The following KRT73 variants were observed in gnomAD, a reference collection of about 807,000 sequenced individuals.
KRT73 encodes the protein keratin 73, also known as keratin, type II cytoskeletal 73.
In KRT73, 44 loss-of-function variants were observed where a neutral mutation model predicts 47.2. That is an observed-to-expected ratio of 0.93 (90% CI 0.73 to 1.20). KRT73 has a LOEUF of 1.20. KRT73 is among the 50% of genes most tolerant of loss of function. The pLI is 0.00. For synonymous variants in KRT73, 285 were observed against 291.3 expected, an observed-to-expected ratio of 0.98 and a Z score of 0.22; for missense variants, 713 against 704.5, an observed-to-expected ratio of 1.01 and a Z score of -0.14.
Position 52,608,065 on chromosome 12 carries a change from GGAGGAGAGGTCCACA to G in KRT73, c.*116_*130del, listed in dbSNP as rs1940619090. The stretch of plus-strand genomic sequence containing the variant: ...ACTGAGGCAGAGAGGTCAAGGAGAA[GGAGGAGAGGTCCACA>G]GCAAAGCAAAGCAAGAAGGAGATGA... On this transcript the variant is annotated 3_prime_UTR_variant, in exon 9 of 9. Transcript: ENST00000305748. 1.1e-6 allele frequency: 1 copy of G among 930,550 alleles called. No individual in the cohort carries two copies. Among genetic ancestry groups the G allele is most frequent in the Non-Finnish European group, 1.6e-6 (1 of 619,022 alleles). The allele number at this position is 930,550 out of a possible 1,614,324, so 57.6% of individuals were successfully genotyped here.
intron 5 of KRT73, chr12:52,612,860 T>G (rs186162209): frequency 6.6e-6 from 1 of 152,208 alleles, no homozygotes; most frequent in African/African-American, 2.4e-5. Flanking sequence ...GGGCCCTACG[T>G]TCTTTATCTT....
intron 2 of KRT73, 94 bp from the exon 3 acceptor site, chr12:52,615,433 A>T: frequency 1.0e-6 from 1 of 977,464 alleles, no homozygotes. Flanking sequence ...CCCATATTAT[A>T]TGCCTTTTAA....
chr12:52,629,522 A>G, the KRT73 span, among the ~76,000 whole-genome samples: 1 of 152,218 alleles, frequency 6.6e-6, no homozygotes, highest in Non-Finnish European at 1.5e-5. Flanking sequence ...AAGGCCACAC[A>G]GCCAATGCCT....
At position 52,616,181 on chromosome 12, in the gene KRT73, T is replaced by C. The variant is rs376869497; in HGVS notation, c.647A>G (p.Glu216Gly). The change falls in exon 2 of 9, where the codon GAG (glutamate) becomes GGG (glycine). Residue 216 changes from glutamate (E) to glycine (G), a missense_variant. By Grantham distance (98) the Glu-to-Gly change is moderately conservative. Coordinates refer to ENST00000305748, the MANE Select transcript of KRT73 (RefSeq NM_175068.3). ...TCCTGCTCACCTCTTCTTGTAGTCC[T>C]CCACCACTTCGCGCACGCTCCTCAG... ...SELRSVREVV[E>G]DYKKRYEEEI... The C allele has an allele frequency of 6.5e-5, 105 of 1,614,040 alleles. 1 individual carries two copies. The highest frequency in any genetic ancestry group is 3.3e-4 in the Middle Eastern group (2 of 6,058).
chr12:52,627,480 C>A, the KRT73 span, among the ~76,000 whole-genome samples: 1 of 152,162 alleles, frequency 6.6e-6, no homozygotes. Context: ...CAGCAGGGAA[C>A]TTTTGACAAG....
chr12:52,619,652 C>T (rs570426945), upstream of KRT73, among the ~76,000 whole-genome samples: 6 of 152,344 alleles, frequency 3.9e-5, no homozygotes, highest in South Asian at 1.2e-3. Context: ...GGCTGACTCT[C>T]TCCCAGGTAC....
chr12:52,625,974 G>A, the KRT73 span, among the ~76,000 whole-genome samples: 1 of 140,226 alleles, frequency 7.1e-6, no homozygotes, highest in African/African-American at 2.7e-5. Flanking sequence ...ATGGGGAACA[G>A]ATTAGTAATT....
In KRT73 at chr12:52,616,398, CATACTT is replaced by C. The variant is rs770974598; in HGVS notation, c.448-24_448-19del. ...AACCGCACCTGGAACCCATGCCACA[CATACTT>C]AAGCAATGTGGAGAGGGGATGTGAG... On this transcript the variant is annotated intron_variant, in intron 1 of 8. Coordinates refer to ENST00000305748, the MANE Select transcript of KRT73 (RefSeq NM_175068.3). 5.0e-6 allele frequency: 8 copies of C among 1,613,712 alleles called. No homozygotes were observed. In the East Asian group the frequency reaches 1.8e-4, roughly 36 times the overall value.
intron 2 of KRT73, among the ~76,000 whole-genome samples, chr12:52,615,557 G>A (rs1940798314): frequency 6.6e-6 from 1 of 152,152 alleles, no homozygotes; most frequent in South Asian, 2.1e-4. Context: ...TTTGAGGTCT[G>A]ATTTCCTCTG....
Position 52,610,764 on chromosome 12 carries a change from G to A in KRT73, c.1182C>T (p.Ala394=). The A allele has an allele frequency of 6.2e-7, 1 of 1,613,900 alleles. No individual in the cohort carries two copies. Among genetic ancestry groups the A allele is most frequent in the African/African-American group, 1.3e-5 (1 of 75,002 alleles). ...RGDCALKDAR[A]KLDELEGALQ... ...GGGCGCCCTCCAGCTCATCCAGCTT[G>A]GCCCTGGCATCCTTGAGGGCACAGT... Residue 394 remains alanine, a synonymous_variant, in exon 7 of 9, where the codon GCC becomes GCT. Coordinates refer to ENST00000305748, the MANE Select transcript of KRT73 (RefSeq NM_175068.3).
At position 52,618,420 on chromosome 12, in the gene KRT73, C is replaced by T. The variant is rs764024779; in HGVS notation, c.105G>A (p.Gly35=). The T allele has an allele frequency of 3.1e-6, 5 of 1,614,124 alleles. No individual in the cohort carries two copies. The highest frequency in any genetic ancestry group is 2.2e-5 in the East Asian group (1 of 44,868). The change falls in exon 1 of 9, where the codon GGG becomes GGA. Residue 35 remains glycine, a synonymous_variant. Transcript: ENST00000305748. ...SGGSSSSYRA[G]GKGLSGGFSS... is the part of the protein sequence containing the mutation. Reference sequence around the variant, plus strand: ...TGAAGCCTCCACTGAGCCCTTTGCCCCCTGCTCGGTAGGAGGATGAGCTGC... The same window carrying T: ...TGAAGCCTCCACTGAGCCCTTTGCCTCCTGCTCGGTAGGAGGATGAGCTGC...
upstream of KRT73, among the ~76,000 whole-genome samples, chr12:52,618,940 T>C (rs1199976234): frequency 2.0e-5 from 3 of 152,208 alleles, no homozygotes; most frequent in African/African-American, 2.4e-5. Flanking sequence ...CTCACAACCA[T>C]GCCAGCATCA....
At chr12:52,627,874 C>T in the KRT73 span, among the ~76,000 whole-genome samples, 3 of 152,060 alleles carry the variant, frequency 2.0e-5, no homozygotes, top group African/African-American at 7.3e-5. Context: ...TCAGCACAGA[C>T]AGCCAAGCAA....
chr12:52,618,444 G>A lies in KRT73; in HGVS notation c.81C>T (p.Gly27=), dbSNP rs529991703. The A allele has an allele frequency of 6.2e-6, 10 of 1,614,008 alleles. No homozygotes were observed. The East Asian group carries it at 1.6e-4, about 25-fold the overall frequency. Residue 27 remains glycine, a synonymous_variant, in exon 1 of 9, where the codon GGC becomes GGT. Transcript: ENST00000305748. The part of the protein sequence containing the change: ...FSGCSAVLSG[G]SSSSYRAGGK... ...CCCCTGCTCGGTAGGAGGATGAGCT[G>A]CCCCCTGAGAGCACAGCGGAGCAGC...
At position 52,613,776 on chromosome 12, in the gene KRT73, A is replaced by G; in HGVS notation, c.896T>C (p.Leu299Pro). ...ACGGACCTCAGCAATGATGCTGTCC[A>G]GGTCCAGGTTCCGGTTGTTGTCCAT... is the stretch of plus-strand genomic sequence containing the variant. Reference protein sequence around the residue: ...LSMDNNRNLDLDSIIAEVRAQ... With the variant: ...LSMDNNRNLDPDSIIAEVRAQ... Residue 299 changes from leucine to proline, a missense_variant, in exon 5 of 9, where the codon CTG becomes CCG. Transcript: ENST00000305748. 1 of 1,614,240 alleles carries G rather than the reference A, an allele frequency of 6.2e-7. No homozygotes were observed. Among genetic ancestry groups the G allele is most frequent in the Non-Finnish European group, 8.5e-7 (1 of 1,180,044 alleles).
chr12:52,629,423 G>A, the KRT73 span, among the ~76,000 whole-genome samples: 7 of 152,278 alleles, frequency 4.6e-5, no homozygotes, highest in Admixed American at 6.5e-5. Context: ...TGGATGCAGC[G>A]TGAGTTTCTA....
rs762887060 is a variant in KRT73 at position 52,618,337 on chromosome 12, C to T, written c.188G>A (p.Ser63Asn). ...ATAGCCTCCTGCCCACCCACTGCCA[C>T]TGGCCACATTGAAAGAGATGCTCCG... Reference protein sequence around the residue: ...GARSISFNVASGSGWAGGYGF... With the variant: ...GARSISFNVANGSGWAGGYGF... Residue 63 changes from serine to asparagine, a missense_variant, in exon 1 of 9, where the codon AGT becomes AAT. Coordinates refer to ENST00000305748, the MANE Select transcript of KRT73 (RefSeq NM_175068.3). 2 of 1,614,206 alleles carry T rather than the reference C, an allele frequency of 1.2e-6. No homozygotes were observed. The highest frequency in any genetic ancestry group is 3.3e-5 in the Admixed American group (2 of 60,036).
chr12:52,625,176 G>A, the KRT73 span, among the ~76,000 whole-genome samples: 1 of 152,124 alleles, frequency 6.6e-6, no homozygotes, highest in African/African-American at 2.4e-5. Context: ...ACTTTGTACT[G>A]CAAAAGACCT....
At chr12:52,619,262 C>G (rs1473153581), upstream of KRT73, among the ~76,000 whole-genome samples, 2 of 152,236 alleles carry the variant, frequency 1.3e-5, no homozygotes, top group African/African-American at 4.8e-5. Context: ...TTGCACCATT[C>G]ACGATGGCTG....
Sources: allele counts gnomAD v4.1 joint callset (sites outside exome capture counted in the v4.1 genomes callset), GRCh38; gene constraint gnomAD v4.1.1; transcripts MANE v1.5; gene names NCBI Gene and HGNC (gene_info 2026-07-23, HGNC 2026-07-21).